Variants in CREB3L2 observed in about 807,000 individuals in gnomAD.
The protein encoded by CREB3L2 is cAMP responsive element binding protein 3 like 2.
CREB3L2 carries 23 observed loss-of-function variants against 57.2 expected under a neutral mutation model. The ratio of observed to expected loss-of-function variants is 0.40; its 90% CI spans 0.29 to 0.57. CREB3L2 has a LOEUF of 0.57. CREB3L2 is among the 20% of genes least tolerant of loss of function. CREB3L2 has a pLI of 0.42. For synonymous variants in CREB3L2, 268 were observed against 265.1 expected (o/e 1.01, Z -0.11); for missense variants, 628 against 634.7 (o/e 0.99, Z 0.11).
At chr7:137,993,436 T>C (rs551312020) in intron 1 of CREB3L2, among the ~76,000 whole-genome samples, 1 of 152,324 alleles carries the variant, frequency 6.6e-6, no homozygotes, top group Non-Finnish European at 1.5e-5. Context: ...ATATCAACAC[T>C]GAATTACCCA....
chr7:137,941,369 G>C (rs983984874), intron 1 of CREB3L2, among the ~76,000 whole-genome samples: 1 of 152,256 alleles, frequency 6.6e-6, no homozygotes, highest in Non-Finnish European at 1.5e-5. Flanking sequence ...TGACTTCCCA[G>C]ACATCCACAG....
chr7:137,994,224 C>G (rs1801947002), intron 1 of CREB3L2, among the ~76,000 whole-genome samples: 1 of 152,196 alleles, frequency 6.6e-6, no homozygotes, highest in Non-Finnish European at 1.5e-5. Flanking sequence ...GCTATTTACC[C>G]CAAGAGAGTC....
intron 1 of CREB3L2, among the ~76,000 whole-genome samples, chr7:137,931,501 G>A (rs1200306172): frequency 7.1e-6 from 1 of 140,974 alleles, no homozygotes; most frequent in Non-Finnish European, 1.5e-5. Context: ...CAGTCTGGGT[G>A]ACTGAGCGAG....
chr7:137,984,970 G>C (rs1314758210), intron 1 of CREB3L2, among the ~76,000 whole-genome samples: 1 of 152,124 alleles, frequency 6.6e-6, no homozygotes, highest in Non-Finnish European at 1.5e-5. Context: ...CTTTCTCATT[G>C]AACTCCATTA....
intron 8 of CREB3L2, among the ~76,000 whole-genome samples, chr7:137,897,829 C>CT (rs932063829): frequency 3.3e-5 from 5 of 151,532 alleles, no homozygotes; most frequent in South Asian, 2.1e-4. Flanking sequence ...TGAAAGGATT[C>CT]TTTTTTTTTC....
intron 8 of CREB3L2, among the ~76,000 whole-genome samples, chr7:137,891,686 C>T (rs537041342): frequency 1.3e-5 from 2 of 152,230 alleles, no homozygotes; most frequent in African/African-American, 4.8e-5. Context: ...AGCAATTCTC[C>T]TGTGTCAGCC....
In CREB3L2 at chr7:137,880,399, G is replaced by C. The variant is rs1799268848; in HGVS notation, c.*77C>G. The C allele has an allele frequency of 8.2e-7, 1 of 1,225,596 alleles. No homozygotes were observed. Among genetic ancestry groups the C allele is most frequent in the Admixed American group, 1.9e-5 (1 of 52,528 alleles). 75.9% of individuals were successfully genotyped at this position (1,225,596 alleles called of 1,614,324 possible). ...CTCCATGAAGATCCAGTGGCAAAGA[G>C]GAAAAGCTGATGACAAAGGTGGTTT... On this transcript the variant is annotated 3_prime_UTR_variant, in exon 12 of 12. Coordinates refer to ENST00000330387, the MANE Select transcript of CREB3L2 (RefSeq NM_194071.4). This position sits in a 1 kb window ranked among gnomAD's most constrained non-coding sequence, Gnocchi z 4.0.
intron 8 of CREB3L2, among the ~76,000 whole-genome samples, chr7:137,893,154 G>C (rs1289041114): frequency 2.6e-5 from 4 of 151,990 alleles, no homozygotes; most frequent in African/African-American, 9.7e-5. Context: ...TATTTTGTAG[G>C]AACCAGAGGG....
chr7:137,960,229 G>A (rs1005056333), intron 1 of CREB3L2, among the ~76,000 whole-genome samples: 2 of 152,184 alleles, frequency 1.3e-5, no homozygotes. Flanking sequence ...GCTGGAGCTA[G>A]AATTTAAACC....
intron 1 of CREB3L2, among the ~76,000 whole-genome samples, chr7:137,972,684 C>CAAAAAAAAAAAA (rs58627909): frequency 4.1e-4 from 4 of 9,654 alleles, no homozygotes; most frequent in Non-Finnish European, 9.2e-4. Context: ...CCCGTCTCTA[C>CAAAAAAAAAAAA]AAAAAAAAAA....
chr7:137,986,028 C>G (rs28496700), intron 1 of CREB3L2, among the ~76,000 whole-genome samples: 1 of 152,118 alleles, frequency 6.6e-6, no homozygotes, highest in South Asian at 2.1e-4. Context: ...AGAAAGGAAC[C>G]GAATATCCCC....
Position 137,908,260 on chromosome 7 carries a change from C to T in CREB3L2, c.760G>A (p.Ala254Thr). Residue 254 changes from alanine (A) to threonine (T), a missense_variant, in exon 5 of 12, where the codon GCT becomes ACT. By Grantham distance (58) the Ala-to-Thr change is moderately conservative (BLOSUM62 0). Coordinates refer to ENST00000330387, the MANE Select transcript of CREB3L2 (RefSeq NM_194071.4). ...GCCCGCTGCATACTTACATGAGGAG[C>T]CGTGAGGAGAGGGGAGCTGGAGAGG... Reference protein sequence around the residue: ...SALSSSPLLTAPHKLQGSGPL... With the variant: ...SALSSSPLLTTPHKLQGSGPL... The T allele has an allele frequency of 7.9e-7, 1 of 1,258,024 alleles. No individual in the cohort carries two copies. Among genetic ancestry groups the T allele is most frequent in the Non-Finnish European group, 1.0e-6 (1 of 992,614 alleles). 77.9% of individuals were successfully genotyped at this position (1,258,024 alleles called of 1,614,324 possible).
intron 7 of CREB3L2, among the ~76,000 whole-genome samples, chr7:137,902,793 GT>G (rs35168928): frequency 3.3e-5 from 5 of 150,758 alleles, no homozygotes; most frequent in South Asian, 2.1e-4. Context: ...TATTGTTGTA[GT>G]TTTTTTTTAT....
At chr7:137,892,756 G>C in intron 8 of CREB3L2, among the ~76,000 whole-genome samples, 3 of 148,014 alleles carry the variant, frequency 2.0e-5, no homozygotes, top group South Asian at 4.6e-4. Context: ...CACCCCACCC[G>C]AGTCACATCT....
intron 5 of CREB3L2, among the ~76,000 whole-genome samples, chr7:137,906,576 T>C (rs1799895933): frequency 6.6e-6 from 1 of 152,192 alleles, no homozygotes; most frequent in Non-Finnish European, 1.5e-5. Flanking sequence ...CTGATACCCA[T>C]GAAAGGATAA....
At position 137,908,420 on chromosome 7, in the gene CREB3L2, C is replaced by T. The variant is rs1255574869; in HGVS notation, c.600G>A (p.Leu200=). ...TGCTCGGAGGGGTGGGCGGCAAATG[C>T]AGGTGGTCCACTGGGGCTGCAAAAA... The part of the protein sequence containing the change: ...FSPKEAPVDH[L]HLPPTPPSSH... The change falls in exon 5 of 12, where the codon CTG becomes CTA. Residue 200 remains leucine (L), a synonymous_variant. Coordinates refer to ENST00000330387, the MANE Select transcript of CREB3L2 (RefSeq NM_194071.4). 4 of 1,266,624 alleles carry T rather than the reference C, an allele frequency of 3.2e-6. No homozygotes were observed. Among genetic ancestry groups the T allele is most frequent in the Non-Finnish European group, 4.0e-6 (4 of 998,266 alleles). 78.5% of individuals were successfully genotyped at this position (1,266,624 alleles called of 1,614,324 possible). A position where few individuals can be genotyped will look rare whatever the true frequency, so the allele number is the denominator to read the frequency against.
intron 2 of CREB3L2, among the ~76,000 whole-genome samples, chr7:137,922,384 GTATA>G (rs1175503933): frequency 4.9e-3 from 95 of 19,448 alleles, no homozygotes; most frequent in Admixed American, 0.011. Flanking sequence ...ATATATATAT[GTATA>G]TATATATATA....
chr7:137,886,951 G>C (rs1799432287), intron 8 of CREB3L2, among the ~76,000 whole-genome samples: 1 of 152,174 alleles, frequency 6.6e-6, no homozygotes, highest in African/African-American at 2.4e-5. Flanking sequence ...TTCCCTGTGA[G>C]TGGTGTAAAG....
At chr7:137,972,242 C>T (rs894786184) in intron 1 of CREB3L2, among the ~76,000 whole-genome samples, 3 of 151,944 alleles carry the variant, frequency 2.0e-5, no homozygotes, top group Admixed American at 1.3e-4. Flanking sequence ...AGTTCGAGAC[C>T]AGCCTGGCCA....
Sources: gnomAD v4.1 joint callset for allele counts (sites outside exome capture counted in the v4.1 genomes callset) on GRCh38, gnomAD v4.1.1 for gene constraint, Gnocchi (gnomAD v3.1) non-coding constraint, MANE v1.5 for transcripts, NCBI Gene and HGNC (gene_info 2026-07-23, HGNC 2026-07-21) for gene names.